PRKCA: variants seen among roughly 807,000 people sequenced by gnomAD.
PRKCA encodes protein kinase C alpha.
A neutral mutation model predicts 87.0 loss-of-function variants in PRKCA; 27 were observed. That is an observed-to-expected ratio of 0.31 (90% CI 0.23 to 0.43). PRKCA has a LOEUF of 0.43. PRKCA is among the 20% of genes least tolerant of loss of function. PRKCA has a pLI of 1.00. For missense variants in PRKCA, 518 were observed against 852.3 expected (o/e 0.61, Z 4.88); for synonymous variants, 329 against 311.1 (o/e 1.06, Z -0.61).
intron 16 of PRKCA, chr17:66,797,046 T>A: frequency 1.1e-6 from 1 of 925,314 alleles, no homozygotes. Flanking sequence ...ATAATTCCCA[T>A]AGCTGAGACC....
At chr17:66,693,795 A>T (rs1972843902) in intron 8 of PRKCA, among the ~76,000 whole-genome samples, 1 of 152,248 alleles carries the variant, frequency 6.6e-6, no homozygotes, top group African/African-American at 2.4e-5. Context: ...GCTCAAAAGC[A>T]GCCACAAATA....
At chr17:66,719,942 A>G (rs537364415) in intron 8 of PRKCA, among the ~76,000 whole-genome samples, 21 of 152,356 alleles carry the variant, frequency 1.4e-4, no homozygotes, top group Non-Finnish European at 1.5e-4. Context: ...TTATATGAAA[A>G]GCTGCCTTCC....
intron 3 of PRKCA, among the ~76,000 whole-genome samples, chr17:66,615,095 A>C (rs1970480713): frequency 2.0e-5 from 3 of 152,140 alleles, no homozygotes; most frequent in Non-Finnish European, 2.9e-5. Context: ...GTGTAGCTCC[A>C]GCCCTCGCGT....
At chr17:66,490,280 A>G (rs1202809223) in intron 2 of PRKCA, among the ~76,000 whole-genome samples, 1 of 151,996 alleles carries the variant, frequency 6.6e-6, no homozygotes, top group Non-Finnish European at 1.5e-5. Context: ...TTAAATGTAC[A>G]TGTCAGTGGC....
intron 2 of PRKCA, among the ~76,000 whole-genome samples, chr17:66,349,929 A>G (rs1040302847): frequency 2.0e-5 from 3 of 151,938 alleles, no homozygotes; most frequent in African/African-American, 4.8e-5. Context: ...TTCCCTTATC[A>G]CATGGCGTTA....
chr17:66,575,117 GTGATA>G (rs1969194243), intron 3 of PRKCA, among the ~76,000 whole-genome samples: 1 of 152,210 alleles, frequency 6.6e-6, no homozygotes, highest in Non-Finnish European at 1.5e-5. Context: ...TTCAAGCCCT[GTGATA>G]CCTCAACAGT....
intron 5 of PRKCA, among the ~76,000 whole-genome samples, chr17:66,663,838 TTTG>T (rs918938016): frequency 4.0e-5 from 6 of 151,038 alleles, no homozygotes; most frequent in African/African-American, 1.5e-4. Context: ...TGGAGTGTTT[TTTG>T]TTGTTGTTGT....
At chr17:66,698,538 T>C (rs1300943294) in intron 8 of PRKCA, among the ~76,000 whole-genome samples, 1 of 152,012 alleles carries the variant, frequency 6.6e-6, no homozygotes, top group Non-Finnish European at 1.5e-5. Flanking sequence ...TCATTTATAA[T>C]TACCAAGTCA....
intron 2 of PRKCA, among the ~76,000 whole-genome samples, chr17:66,347,266 C>T (rs1257220901): frequency 6.6e-6 from 1 of 152,142 alleles, no homozygotes; most frequent in Non-Finnish European, 1.5e-5. Flanking sequence ...CATCCCTCTT[C>T]TGTCTGACTT....
chr17:66,544,441 T>C (rs1968086872), intron 3 of PRKCA, among the ~76,000 whole-genome samples: 1 of 151,524 alleles, frequency 6.6e-6, no homozygotes, highest in Non-Finnish European at 1.5e-5. Flanking sequence ...TACATGCTGG[T>C]TTAAAAAAGA....
chr17:66,664,342 C>A (rs1971985494), intron 5 of PRKCA, among the ~76,000 whole-genome samples: 1 of 152,170 alleles, frequency 6.6e-6, no homozygotes, highest in African/African-American at 2.4e-5. Context: ...TGCCCTGAGC[C>A]CAGGAGCTGC....
intron 4 of PRKCA, among the ~76,000 whole-genome samples, chr17:66,643,847 G>T (rs1467185208): frequency 1.3e-5 from 2 of 152,190 alleles, no homozygotes; most frequent in African/African-American, 4.8e-5. Context: ...CAGGACGTCA[G>T]GGGGCAGTTA....
intron 2 of PRKCA, among the ~76,000 whole-genome samples, chr17:66,319,012 A>G (rs935276345): frequency 3.3e-5 from 5 of 152,144 alleles, no homozygotes; most frequent in African/African-American, 1.2e-4. Flanking sequence ...TTATTAGCCT[A>G]TAGTCCCAGC....
chr17:66,547,574 T>A (rs1483748181), intron 3 of PRKCA, among the ~76,000 whole-genome samples: 2 of 152,210 alleles, frequency 1.3e-5, no homozygotes, highest in African/African-American at 4.8e-5. Flanking sequence ...GACTAAATGT[T>A]CCCTTGGTAG....
chr17:66,615,852 C>T (rs1054349164), intron 3 of PRKCA, among the ~76,000 whole-genome samples: 3 of 152,140 alleles, frequency 2.0e-5, no homozygotes, highest in Admixed American at 6.5e-5. Context: ...GTTGAATGTT[C>T]AAATCCAAGC....
chr17:66,729,152 C>G (rs925067125), intron 8 of PRKCA, among the ~76,000 whole-genome samples: 1 of 152,108 alleles, frequency 6.6e-6, no homozygotes, highest in Non-Finnish European at 1.5e-5. Context: ...TGGCTCACAC[C>G]TGTAATACCA....
At chr17:66,770,778 G>A (rs1974916303) in intron 13 of PRKCA, among the ~76,000 whole-genome samples, 1 of 152,176 alleles carries the variant, frequency 6.6e-6, no homozygotes, top group African/African-American at 2.4e-5. Flanking sequence ...TGGATGTGGA[G>A]GGTTGCAGTG....
intron 2 of PRKCA, among the ~76,000 whole-genome samples, chr17:66,389,341 A>G (rs1003922793): frequency 5.9e-5 from 9 of 152,204 alleles, no homozygotes; most frequent in African/African-American, 1.9e-4. Flanking sequence ...CCTCTCCTGC[A>G]GCGTAGTGGA....
intron 2 of PRKCA, among the ~76,000 whole-genome samples, chr17:66,325,045 T>C (rs1441529797): frequency 2.0e-5 from 3 of 152,206 alleles, no homozygotes; most frequent in African/African-American, 7.2e-5. Context: ...CTATAACATA[T>C]TTCCCCCACT....
Sources: allele counts gnomAD v4.1 joint callset (sites outside exome capture counted in the v4.1 genomes callset), GRCh38; gene constraint gnomAD v4.1.1; transcripts MANE v1.5; gene names NCBI Gene and HGNC (gene_info 2026-07-23, HGNC 2026-07-21).